Variants in STXBP5L observed in about 807,000 individuals in gnomAD.
The protein encoded by STXBP5L is syntaxin binding protein 5L, also known as syntaxin-binding protein 5-like.
A neutral mutation model predicts 144.5 loss-of-function variants in STXBP5L; 65 were observed. The ratio of observed to expected loss-of-function variants is 0.45; its 90% confidence interval spans 0.37 to 0.55. STXBP5L has a LOEUF of 0.55. STXBP5L is among the 20% of genes least tolerant of loss of function. The pLI, the probability that STXBP5L is intolerant of heterozygous loss-of-function variation, is 0.00. For missense variants in STXBP5L, 1,298 were observed against 1,405.5 expected (o/e 0.92, Z 1.22); for synonymous variants, 505 against 469.6 (o/e 1.08, Z -0.97).
intron 3 of STXBP5L, among the ~76,000 whole-genome samples, chr3:121,022,495 A>G (rs1048028799): frequency 2.6e-5 from 4 of 152,226 alleles, no homozygotes; most frequent in African/African-American, 9.7e-5. Flanking sequence ...ATTAACATAG[A>G]TGCAAAAATC....
At chr3:121,310,115 C>T (rs1330004828) in intron 19 of STXBP5L, among the ~76,000 whole-genome samples, 2 of 152,064 alleles carry the variant, frequency 1.3e-5, no homozygotes, top group South Asian at 2.1e-4. Flanking sequence ...ACTGGGCAAA[C>T]AAATAGGAGA....
At chr3:121,404,539 T>C (rs1318295505) in intron 22 of STXBP5L, among the ~76,000 whole-genome samples, 1 of 152,106 alleles carries the variant, frequency 6.6e-6, no homozygotes, top group Admixed American at 6.6e-5. Context: ...TCTAGGTCTT[T>C]ACCATGTCCT....
chr3:121,011,480 A>T (rs971584431), intron 3 of STXBP5L, among the ~76,000 whole-genome samples: 34 of 151,758 alleles, frequency 2.2e-4, no homozygotes, highest in African/African-American at 7.7e-4. Flanking sequence ...TGGTATAAGG[A>T]CAAGTGATAC....
chr3:121,058,200 C>T (rs137999895), intron 5 of STXBP5L, among the ~76,000 whole-genome samples: 18,764 of 152,166 alleles, frequency 0.12, 1,424 homozygotes, highest in East Asian at 0.18. Flanking sequence ...TGTTCGCCTC[C>T]CACTTATGAG....
chr3:121,052,581 T>C (rs1328692761), intron 5 of STXBP5L, among the ~76,000 whole-genome samples: 1 of 152,218 alleles, frequency 6.6e-6, no homozygotes, highest in Non-Finnish European at 1.5e-5. Flanking sequence ...AATTAGGTAT[T>C]GATGGGACAT....
rs186275799 is a variant in STXBP5L at position 121,111,032 on chromosome 3, A to G, written c.471-3893A>G. 7.9e-5 allele frequency among the ~76,000 whole-genome samples: 12 copies of G among 152,194 alleles called. No homozygotes were observed. The South Asian group carries it at 2.3e-3, about 29-fold the overall frequency. Reference sequence around the variant, plus strand: ...TTTCCTCCGCTTGGTCTATTCGGCTATCAATAATTGTGGGTGCATTGTGAA... The same window carrying G: ...TTTCCTCCGCTTGGTCTATTCGGCTGTCAATAATTGTGGGTGCATTGTGAA... On this transcript the variant is annotated intron_variant, in intron 5 of 26. Transcript: ENST00000471454.
chr3:121,160,621 C>G (rs1053384943), intron 9 of STXBP5L, among the ~76,000 whole-genome samples: 2 of 151,996 alleles, frequency 1.3e-5, no homozygotes, highest in African/African-American at 2.4e-5. Context: ...CTGGAATCAA[C>G]GGATACTGGG....
intron 20 of STXBP5L, among the ~76,000 whole-genome samples, chr3:121,340,295 G>T (rs1266811151): frequency 6.6e-6 from 1 of 151,822 alleles, no homozygotes; most frequent in African/African-American, 2.4e-5. Context: ...GAAAGGCATG[G>T]AATATTATTT....
chr3:120,997,449 A>T (rs751016063), intron 3 of STXBP5L, among the ~76,000 whole-genome samples: 1 of 152,102 alleles, frequency 6.6e-6, no homozygotes, highest in Non-Finnish European at 1.5e-5. Flanking sequence ...CTGTGCCAAT[A>T]TCTGTTATTT....
intron 2 of STXBP5L, among the ~76,000 whole-genome samples, chr3:120,951,287 G>A (rs957435116): frequency 2.6e-5 from 4 of 152,042 alleles, no homozygotes; most frequent in African/African-American, 9.7e-5. Flanking sequence ...GGCAACAAAA[G>A]CCAAAATTGA....
At chr3:121,368,815 C>G (rs902151985) in intron 20 of STXBP5L, among the ~76,000 whole-genome samples, 1 of 152,094 alleles carries the variant, frequency 6.6e-6, no homozygotes. Flanking sequence ...TTCTTAATGT[C>G]TAATTCTTTA....
rs1372074828 is a variant in STXBP5L, at chr3:121,313,160, C to T, written c.2111-5315C>T. On this transcript the variant is annotated intron_variant, in intron 19 of 26. Transcript: ENST00000471454. ...AGGGGTCCTCACTTCCCAGTAGGGG[C>T]GGCCGGGCAGAGGCGCCCCTCACCT... Among the ~76,000 whole-genome samples, 14 of 142,480 alleles carry T rather than the reference C, an allele frequency of 9.8e-5. No individual in the cohort carries two copies. In the East Asian group the frequency reaches 1.7e-3, roughly 18 times the overall value. The allele number at this position is 142,480 out of a possible 152,430, so 93.5% of individuals were successfully genotyped here.
chr3:121,405,668 G>C (rs1311255952), intron 22 of STXBP5L, among the ~76,000 whole-genome samples: 1 of 152,084 alleles, frequency 6.6e-6, no homozygotes, highest in Non-Finnish European at 1.5e-5. Context: ...TTCTGAAGTA[G>C]TAGCTGCTTA....
In STXBP5L at chr3:121,091,193, A is replaced by G. The variant is rs1349740632; in HGVS notation, c.471-23732A>G. The stretch of plus-strand genomic sequence containing the variant: ...CAGTCTATCATTGATGGACATTTGG[A>G]TTGGTTCCAAGTCCTTGCTATTGTG... On this transcript the variant is annotated intron_variant, in intron 5 of 26. Transcript: ENST00000471454. Among the ~76,000 whole-genome samples the G allele has an allele frequency of 4.8e-5, 7 of 145,990 alleles. 1 individual carries two copies. In the Admixed American group the frequency reaches 5.1e-4, roughly 11 times the overall value.
intron 6 of STXBP5L, among the ~76,000 whole-genome samples, chr3:121,118,132 A>G (rs2044309251): frequency 6.6e-6 from 1 of 151,746 alleles, no homozygotes; most frequent in Admixed American, 6.6e-5. Context: ...ACTAGAAACA[A>G]CTATGAACAG....
chr3:121,026,287 G>C (rs1945939299), intron 3 of STXBP5L, among the ~76,000 whole-genome samples: 1 of 151,638 alleles, frequency 6.6e-6, no homozygotes, highest in African/African-American at 2.4e-5. Flanking sequence ...TAGATCACCT[G>C]GATTATTGCC....
At chr3:120,915,047 C>G (rs1312115225) in intron 2 of STXBP5L, among the ~76,000 whole-genome samples, 1 of 152,044 alleles carries the variant, frequency 6.6e-6, no homozygotes, top group Non-Finnish European at 1.5e-5. Flanking sequence ...CATTTTCTCA[C>G]AAAAAGTCCT....
At position 121,144,517 on chromosome 3, in the gene STXBP5L, G is replaced by A. The variant is rs75486404; in HGVS notation, c.670-7960G>A. ...GAAGATATTGGAACACTTGTATGGT[G>A]GGACTGCAAAATGGTTCAACCACTA... On this transcript the variant is annotated intron_variant, in intron 7 of 26. Coordinates refer to ENST00000471454, the MANE Select transcript of STXBP5L (RefSeq NM_001308330.2). Among the ~76,000 whole-genome samples the A allele has an allele frequency of 1.3e-3, 191 of 151,992 alleles. No homozygotes were observed. The East Asian group carries it at 0.029, about 23-fold the overall frequency.
chr3:121,063,548 A>G (rs1054486376), intron 5 of STXBP5L, among the ~76,000 whole-genome samples: 1 of 152,152 alleles, frequency 6.6e-6, no homozygotes, highest in Non-Finnish European at 1.5e-5. Flanking sequence ...TCTATTCAGA[A>G]CTAGCAGCCA....
Sources: gnomAD v4.1 joint callset for allele counts (sites outside exome capture counted in the v4.1 genomes callset) on GRCh38, gnomAD v4.1.1 for gene constraint, MANE v1.5 for transcripts, NCBI Gene and HGNC (gene_info 2026-07-23, HGNC 2026-07-21) for gene names.